The following SUCLG2 variants were observed in gnomAD, a reference collection of about 807,000 sequenced individuals.
SUCLG2 encodes the protein succinate-CoA ligase GDP-forming subunit beta.
SUCLG2 carries 42 observed loss-of-function variants against 47.9 expected under a neutral mutation model. The ratio of observed to expected loss-of-function variants is 0.88; its 90% confidence interval spans 0.69 to 1.14. The LOEUF is 1.14. SUCLG2 is among the 50% of genes most tolerant of loss of function. The pLI is 0.00. For synonymous variants in SUCLG2, 195 were observed against 197.3 expected (o/e 0.99, Z 0.10); for missense variants, 571 against 525.9 (o/e 1.09, Z -0.84).
chr3:67,513,226 AT>A (rs1037306977), intron 6 of SUCLG2, among the ~76,000 whole-genome samples: 2 of 152,244 alleles, frequency 1.3e-5, no homozygotes, highest in Admixed American at 6.5e-5. Context: ...TATATACCAC[AT>A]TTTGTTTATC....
chr3:67,530,474 G>T (rs1706372893), intron 2 of SUCLG2, among the ~76,000 whole-genome samples: 1 of 152,174 alleles, frequency 6.6e-6, no homozygotes, highest in Non-Finnish European at 1.5e-5. Flanking sequence ...GGTTATTTCA[G>T]CTATTACTGT....
rs76371533 is a variant in SUCLG2, at chr3:67,585,256, C to A, written c.226+24199G>T. 2.5e-3 allele frequency among the ~76,000 whole-genome samples: 375 copies of A among 152,230 alleles called. 1 individual carries two copies. The highest frequency in any genetic ancestry group is 3.3e-3 in the Non-Finnish European group (224 of 68,014). On this transcript the variant is annotated intron_variant, in intron 2 of 10. Coordinates refer to ENST00000307227, the MANE Select transcript of SUCLG2 (RefSeq NM_003848.4). ...CCTGATACCTCCAGGAACATTCCTG[C>A]CTCAGGAACTTTCCAATTGATCCCA...
intron 9 of SUCLG2, among the ~76,000 whole-genome samples, chr3:67,436,258 A>G (rs1012231664): frequency 6.6e-6 from 1 of 152,158 alleles, no homozygotes; most frequent in Non-Finnish European, 1.5e-5. Context: ...TGCAGGAGAA[A>G]AAGTAAGTGG....
intron 9 of SUCLG2, among the ~76,000 whole-genome samples, chr3:67,459,643 G>A (rs1350038410): frequency 3.3e-5 from 5 of 152,150 alleles, no homozygotes; most frequent in Non-Finnish European, 5.9e-5. Context: ...AAAGCTCTTC[G>A]CACCAAGACT....
chr3:67,391,924 GAC>G, intron 10 of SUCLG2, among the ~76,000 whole-genome samples: 1 of 152,176 alleles, frequency 6.6e-6, no homozygotes, highest in South Asian at 2.1e-4. Flanking sequence ...AGGTAAGATG[GAC>G]CTGTTTCCCA....
At chr3:67,507,931 T>C (rs149090338) in intron 7 of SUCLG2, among the ~76,000 whole-genome samples, 4 of 152,338 alleles carry the variant, frequency 2.6e-5, no homozygotes, top group African/African-American at 9.6e-5. Flanking sequence ...AGCTTGTGAA[T>C]TTGTGTGTAG....
At chr3:67,577,350 T>C (rs957590011) in intron 2 of SUCLG2, among the ~76,000 whole-genome samples, 9 of 151,620 alleles carry the variant, frequency 5.9e-5, no homozygotes, top group African/African-American at 2.2e-4. Context: ...AAGTTACAAA[T>C]AAGATAAAAG....
Position 67,374,884 on chromosome 3 carries a change from T to C in SUCLG2, c.*860A>G, listed in dbSNP as rs879008664. Reference sequence around the variant, plus strand: ...CATCTTTCTACCATAAACTGGTAGATTCTGGGAGGATGAGGAGTAAGAGAG... The same window carrying C: ...CATCTTTCTACCATAAACTGGTAGACTCTGGGAGGATGAGGAGTAAGAGAG... On this transcript the variant is annotated 3_prime_UTR_variant, in exon 11 of 11. Coordinates refer to ENST00000307227, the MANE Select transcript of SUCLG2 (RefSeq NM_003848.4). 13 of 984,920 alleles carry C rather than the reference T, an allele frequency of 1.3e-5. No individual in the cohort carries two copies. The South Asian group carries it at 5.6e-4, about 43-fold the overall frequency. The allele number at this position is 984,920 out of a possible 1,614,324, so 61.0% of individuals were successfully genotyped here.
chr3:67,506,998 T>C (rs1461416771), intron 7 of SUCLG2, among the ~76,000 whole-genome samples: 3 of 152,172 alleles, frequency 2.0e-5, no homozygotes, highest in Admixed American at 6.5e-5. Flanking sequence ...AACTTCTGAC[T>C]AGCCCCTGGG....
chr3:67,542,792 A>G (rs1484475795), intron 2 of SUCLG2, among the ~76,000 whole-genome samples: 1 of 152,190 alleles, frequency 6.6e-6, no homozygotes, highest in Non-Finnish European at 1.5e-5. Context: ...ATATATATGC[A>G]CCCAAAACAA....
chr3:67,369,358 C>G (rs532731908), intron 10 of SUCLG2, among the ~76,000 whole-genome samples: 2 of 152,292 alleles, frequency 1.3e-5, no homozygotes, highest in African/African-American at 4.8e-5. Flanking sequence ...TACTGAATAG[C>G]ACAGATGCCA....
In SUCLG2 at chr3:67,417,181, C is replaced by T. The variant is rs1339910627; in HGVS notation, c.1063-16330G>A. On this transcript the variant is annotated intron_variant, in intron 9 of 10. Transcript: ENST00000307227. The stretch of plus-strand genomic sequence containing the variant: ...ACTGTACTGTTTGATGTTTCACCAA[C>T]GTAAGTGTAAATTTTCAAGATACTT... Among the ~76,000 whole-genome samples the T allele has an allele frequency of 2.0e-5, 3 of 152,068 alleles. No homozygotes were observed. The East Asian group carries it at 5.8e-4, about 29-fold the overall frequency.
intron 1 of SUCLG2, among the ~76,000 whole-genome samples, chr3:67,625,692 T>C (rs1379313372): frequency 6.6e-6 from 1 of 152,154 alleles, no homozygotes; most frequent in African/African-American, 2.4e-5. Context: ...CAAGGAAGTA[T>C]ACCGATGGCC....
intron 9 of SUCLG2, among the ~76,000 whole-genome samples, chr3:67,450,174 T>C (rs1027784835): frequency 1.3e-5 from 2 of 152,104 alleles, no homozygotes; most frequent in African/African-American, 4.8e-5. Flanking sequence ...CCCCAGTAGC[T>C]AGGACAACAG....
intron 2 of SUCLG2, among the ~76,000 whole-genome samples, chr3:67,533,514 AT>A (rs1461312769): frequency 1.3e-5 from 2 of 152,174 alleles, no homozygotes; most frequent in Non-Finnish European, 2.9e-5. Flanking sequence ...AGAAAGTTAA[AT>A]TGTATTTCAG....
intron 1 of SUCLG2, among the ~76,000 whole-genome samples, chr3:67,629,920 G>A (rs1700897447): frequency 6.6e-6 from 1 of 152,106 alleles, no homozygotes; most frequent in Non-Finnish European, 1.5e-5. Flanking sequence ...TTACATGCTA[G>A]GAAAATCAGC....
chr3:67,441,010 A>C (rs1703749130), intron 9 of SUCLG2, among the ~76,000 whole-genome samples: 1 of 152,262 alleles, frequency 6.6e-6, no homozygotes, highest in Non-Finnish European at 1.5e-5. Flanking sequence ...TGGATAAAGA[A>C]AATGTGGCAC....
intron 2 of SUCLG2, among the ~76,000 whole-genome samples, chr3:67,539,706 G>A (rs1575764205): frequency 6.6e-6 from 1 of 152,074 alleles, no homozygotes; most frequent in Non-Finnish European, 1.5e-5. Flanking sequence ...TTTTTGGTTG[G>A]TAGGCTATTA....
chr3:67,503,009 T>G (rs1705540260), intron 7 of SUCLG2, among the ~76,000 whole-genome samples: 1 of 152,082 alleles, frequency 6.6e-6, no homozygotes, highest in Admixed American at 6.6e-5. Flanking sequence ...AAGCAAAGGG[T>G]AGCAACTAAG....
Sources: allele counts gnomAD v4.1 joint callset (sites outside exome capture counted in the v4.1 genomes callset), GRCh38; gene constraint gnomAD v4.1.1; transcripts MANE v1.5; gene names NCBI Gene and HGNC (gene_info 2026-07-23, HGNC 2026-07-21).